Variants in LOC128462377 observed in about 807,000 individuals in gnomAD.
At chr16:89,332,786 A>T in the LOC128462377 span, among the ~76,000 whole-genome samples, 2 of 152,156 alleles carry the variant, frequency 1.3e-5, no homozygotes, top group African/African-American at 4.8e-5. Context: ...CACACCTCCA[A>T]GGAGGTTATC....
chr16:89,367,965 C>CT, the LOC128462377 span, among the ~76,000 whole-genome samples: 4,639 of 152,212 alleles, frequency 0.03, 238 homozygotes, highest in African/African-American at 0.11. Flanking sequence ...GACTGCACCA[C>CT]TGCACTCCAG....
chr16:89,381,354 A>AAAAAAAAAAAAAAAG, the LOC128462377 span, among the ~76,000 whole-genome samples: 18 of 125,336 alleles, frequency 1.4e-4, 1 homozygote, highest in African/African-American at 5.9e-4. Context: ...AAAAAAAAAA[A>AAAAAAAAAAAAAAAG]GGGGTGAGAA....
At chr16:89,346,349 GACA>G in the LOC128462377 span, among the ~76,000 whole-genome samples, 5 of 151,598 alleles carry the variant, frequency 3.3e-5, no homozygotes, top group Non-Finnish European at 7.4e-5. Flanking sequence ...CAGACAAGGA[GACA>G]ACCCTAACCC....
the LOC128462377 span, among the ~76,000 whole-genome samples, chr16:89,402,056 G>A: frequency 6.6e-6 from 1 of 151,560 alleles, no homozygotes; most frequent in African/African-American, 2.4e-5. Context: ...GATTTATCAC[G>A]GCAGCCCCGA....
the LOC128462377 span, among the ~76,000 whole-genome samples, chr16:89,326,828 A>C: frequency 6.6e-6 from 1 of 152,210 alleles, no homozygotes; most frequent in African/African-American, 2.4e-5. Context: ...GCATCTCCTA[A>C]GAAAGGGGCT....
chr16:89,411,372 G>A, the LOC128462377 span, among the ~76,000 whole-genome samples: 1 of 152,252 alleles, frequency 6.6e-6, no homozygotes, highest in Non-Finnish European at 1.5e-5. Context: ...GGCTGCCCTG[G>A]CTGGGCCAGA....
the LOC128462377 span, among the ~76,000 whole-genome samples, chr16:89,352,812 C>G: frequency 7.2e-5 from 11 of 152,194 alleles, no homozygotes; most frequent in Non-Finnish European, 1.5e-4. Context: ...TTCAAGATGA[C>G]CACATGGGCC....
At chr16:89,368,509 C>G in the LOC128462377 span, among the ~76,000 whole-genome samples, 1 of 150,868 alleles carries the variant, frequency 6.6e-6, no homozygotes, top group Non-Finnish European at 1.5e-5. Flanking sequence ...CATGAGCCAC[C>G]GCGCCCAGCC....
the LOC128462377 span, among the ~76,000 whole-genome samples, chr16:89,356,797 AAAAAAG>A: frequency 7.8e-3 from 1,144 of 147,522 alleles, 16 homozygotes; most frequent in African/African-American, 0.027. Context: ...AAAAAAAAAG[AAAAAAG>A]AAAAAAAAAG....
chr16:89,323,401 G>T, the LOC128462377 span: 11 of 1,233,032 alleles, frequency 8.9e-6, no homozygotes, highest in Non-Finnish European at 1.1e-5. Flanking sequence ...AGAGCAAGCA[G>T]CCCAGGGCAG....
At chr16:89,363,416 G>A in the LOC128462377 span, among the ~76,000 whole-genome samples, 1 of 151,572 alleles carries the variant, frequency 6.6e-6, no homozygotes, top group Non-Finnish European at 1.5e-5. Context: ...CATGGCACAT[G>A]TATACATATG....
the LOC128462377 span, among the ~76,000 whole-genome samples, chr16:89,335,783 T>G: frequency 8.5e-5 from 13 of 152,154 alleles, no homozygotes; most frequent in African/African-American, 3.1e-4. Flanking sequence ...GGCCCCAGTG[T>G]GGGTTCTCAC....
the LOC128462377 span, among the ~76,000 whole-genome samples, chr16:89,366,157 G>C: frequency 4.1e-5 from 6 of 146,286 alleles, no homozygotes; most frequent in African/African-American, 1.3e-4. Context: ...AAAAAGACAT[G>C]ATCTCATTCT....
the LOC128462377 span, among the ~76,000 whole-genome samples, chr16:89,399,549 G>C: frequency 6.6e-6 from 1 of 152,130 alleles, no homozygotes; most frequent in Admixed American, 6.5e-5. Context: ...GGGGACCTGG[G>C]GCAGTGAAAC....
the LOC128462377 span, among the ~76,000 whole-genome samples, chr16:89,344,835 ACT>A: frequency 6.6e-6 from 1 of 152,138 alleles, no homozygotes; most frequent in Non-Finnish European, 1.5e-5. Flanking sequence ...GAGGCGTGAG[ACT>A]CTCAACCACC....
chr16:89,416,766 CAAA>C, the LOC128462377 span, among the ~76,000 whole-genome samples: 2 of 105,972 alleles, frequency 1.9e-5, no homozygotes. Context: ...TCTGTTTCTA[CAAA>C]AAAAAAAAAA....
the LOC128462377 span, among the ~76,000 whole-genome samples, chr16:89,342,240 G>A: frequency 6.6e-6 from 1 of 152,244 alleles, no homozygotes; most frequent in South Asian, 2.1e-4. Context: ...CAACTGCCTG[G>A]GCAAAGGTTC....
At chr16:89,386,691 G>C in the LOC128462377 span, among the ~76,000 whole-genome samples, 1 of 152,216 alleles carries the variant, frequency 6.6e-6, no homozygotes, top group African/African-American at 2.4e-5. Flanking sequence ...AGGTGGAAAA[G>C]CAGACACGCT....
the LOC128462377 span, among the ~76,000 whole-genome samples, chr16:89,366,218 A>G: frequency 2.7e-5 from 4 of 149,812 alleles, no homozygotes; most frequent in African/African-American, 9.9e-5. Flanking sequence ...CATTTTCTTT[A>G]TCCAATCCGT....
Sources: allele counts gnomAD v4.1 joint callset (sites outside exome capture counted in the v4.1 genomes callset), GRCh38; gene constraint gnomAD v4.1.1; transcripts MANE v1.5.